Variants in SH3GL2 observed in about 807,000 individuals in gnomAD.
SH3GL2 encodes the protein SH3 domain containing GRB2 like 2, endophilin A1.
In SH3GL2, 24 loss-of-function variants were observed where a neutral mutation model predicts 46.0. The ratio of observed to expected loss-of-function variants is 0.52; its 90% confidence interval spans 0.38 to 0.73. The LOEUF (loss-of-function observed/expected upper bound fraction) is 0.73. Among genes scored for constraint, SH3GL2 ranks in the 30% least tolerant of loss-of-function variants. The pLI, the probability that SH3GL2 is intolerant of heterozygous loss-of-function variation, is 0.00. For missense variants in SH3GL2, 413 were observed against 424.2 expected (o/e 0.97, Z 0.23); for synonymous variants, 196 against 147.1 (o/e 1.33, Z -2.40).
chr9:17,601,857 G>A (rs909845503), intron 1 of SH3GL2, among the ~76,000 whole-genome samples: 2 of 152,188 alleles, frequency 1.3e-5, no homozygotes, highest in African/African-American at 4.8e-5. Flanking sequence ...TCTGTCTGTG[G>A]TGGGTTTGAT....
chr9:17,668,886 G>C (rs1305935667), intron 1 of SH3GL2, among the ~76,000 whole-genome samples: 3 of 152,068 alleles, frequency 2.0e-5, no homozygotes, highest in African/African-American at 4.8e-5. Context: ...TCAAACTCCT[G>C]GGCTCAAGCA....
At chr9:17,675,267 A>C in intron 1 of SH3GL2, among the ~76,000 whole-genome samples, 1 of 152,134 alleles carries the variant, frequency 6.6e-6, no homozygotes, top group East Asian at 1.9e-4. Context: ...GATTTTTAAA[A>C]TTTGGCGGGT....
chr9:17,585,568 G>T (rs993142116), intron 1 of SH3GL2, among the ~76,000 whole-genome samples: 2 of 152,160 alleles, frequency 1.3e-5, no homozygotes, highest in Non-Finnish European at 2.9e-5. Context: ...GGGGGGACAC[G>T]TGGGGTGGAG....
rs990837001 is a variant in SH3GL2 at position 17,733,843 on chromosome 9, C to A, written c.46-13223C>A. 2.7e-5 allele frequency among the ~76,000 whole-genome samples: 4 copies of A among 148,920 alleles called. 1 individual carries two copies. The South Asian group carries it at 6.6e-4, about 25-fold the overall frequency. On this transcript the variant is annotated intron_variant, in intron 1 of 8. Coordinates refer to ENST00000380607, the MANE Select transcript of SH3GL2 (RefSeq NM_003026.5). ...TAGGGACATGGATGAAATTGGAAAT[C>A]ATCATTCTCAGTAAACTATCGCAAG... is the stretch of plus-strand genomic sequence containing the variant.
chr9:17,685,767 G>A (rs938860317), intron 1 of SH3GL2, among the ~76,000 whole-genome samples: 7 of 151,844 alleles, frequency 4.6e-5, no homozygotes, highest in Non-Finnish European at 7.4e-5. Flanking sequence ...TAGATATGCG[G>A]CGTTATTTCT....
intron 6 of SH3GL2, among the ~76,000 whole-genome samples, 195 bp from the exon 7 acceptor site, chr9:17,791,036 G>A (rs1297618576): frequency 6.6e-6 from 1 of 152,078 alleles, no homozygotes; most frequent in Non-Finnish European, 1.5e-5. Context: ...CTAAGCATAA[G>A]GATGCTTTCT....
intron 1 of SH3GL2, among the ~76,000 whole-genome samples, chr9:17,662,556 AG>A (rs1244736381): frequency 1.3e-5 from 2 of 152,080 alleles, no homozygotes; most frequent in African/African-American, 4.8e-5. Flanking sequence ...GGATTAGGTT[AG>A]TTTTCTAGTA....
At chr9:17,579,840 C>T (rs1818244548) in intron 1 of SH3GL2, among the ~76,000 whole-genome samples, 1 of 152,166 alleles carries the variant, frequency 6.6e-6, no homozygotes, top group South Asian at 2.1e-4. Context: ...TGGGGTCTTC[C>T]TTTAGGGACC....
intron 1 of SH3GL2, among the ~76,000 whole-genome samples, chr9:17,654,973 G>T (rs1227323654): frequency 2.6e-5 from 4 of 152,224 alleles, no homozygotes; most frequent in African/African-American, 4.8e-5. Flanking sequence ...GGTACTGGAA[G>T]AAACCATAGT....
chr9:17,685,510 A>G (rs898081894), intron 1 of SH3GL2, among the ~76,000 whole-genome samples: 1 of 152,092 alleles, frequency 6.6e-6, no homozygotes, highest in Non-Finnish European at 1.5e-5. Flanking sequence ...ATATAAAACT[A>G]ACCATCACAG....
intron 8 of SH3GL2, among the ~76,000 whole-genome samples, chr9:17,794,984 C>CAT (rs1473877529): frequency 2.0e-5 from 3 of 152,186 alleles, no homozygotes; most frequent in Non-Finnish European, 4.4e-5. Flanking sequence ...AACTTGAACT[C>CAT]AGTGTTTTAT....
intron 3 of SH3GL2, among the ~76,000 whole-genome samples, chr9:17,765,438 G>A (rs1823289912): frequency 6.6e-6 from 1 of 152,146 alleles, no homozygotes; most frequent in African/African-American, 2.4e-5. Flanking sequence ...AAGTGATTTT[G>A]TTTAGCTTTT....
chr9:17,627,192 T>A (rs539157503), intron 1 of SH3GL2, among the ~76,000 whole-genome samples: 10 of 152,350 alleles, frequency 6.6e-5, no homozygotes, highest in Non-Finnish European at 1.5e-4. Flanking sequence ...CTGCTGTTTT[T>A]ATTAGCACTC....
intron 1 of SH3GL2, among the ~76,000 whole-genome samples, chr9:17,587,642 C>G (rs1818404714): frequency 6.6e-6 from 1 of 152,112 alleles, no homozygotes; most frequent in Non-Finnish European, 1.5e-5. Flanking sequence ...CTTTGGGAGG[C>G]CGAGGTGGGC....
At chr9:17,728,842 A>G (rs1222572064) in intron 1 of SH3GL2, among the ~76,000 whole-genome samples, 1 of 152,100 alleles carries the variant, frequency 6.6e-6, no homozygotes, top group African/African-American at 2.4e-5. Flanking sequence ...TCCATGGTGT[A>G]TATGTGCCAC....
At chr9:17,691,671 G>T (rs1821082270) in intron 1 of SH3GL2, among the ~76,000 whole-genome samples, 1 of 152,094 alleles carries the variant, frequency 6.6e-6, no homozygotes, top group Non-Finnish European at 1.5e-5. Context: ...AAATTGATGG[G>T]ATTTGCAGTC....
chr9:17,654,044 AC>A (rs1249486898), intron 1 of SH3GL2, among the ~76,000 whole-genome samples: 2 of 151,982 alleles, frequency 1.3e-5, no homozygotes, highest in Non-Finnish European at 1.5e-5. Context: ...CTTTGACTTT[AC>A]CCCCCTCTCT....
At chr9:17,763,838 T>A (rs1440595659) in intron 3 of SH3GL2, among the ~76,000 whole-genome samples, 1 of 152,158 alleles carries the variant, frequency 6.6e-6, no homozygotes, top group African/African-American at 2.4e-5. Context: ...ACCTCCTAAG[T>A]CTCTGCACTT....
intron 1 of SH3GL2, among the ~76,000 whole-genome samples, chr9:17,638,741 G>C (rs561769357): frequency 5.3e-5 from 8 of 152,274 alleles, no homozygotes; most frequent in Non-Finnish European, 1.0e-4. Context: ...AGGTAGGTGG[G>C]CCTCCCCTCA....
Sources: allele counts gnomAD v4.1 joint callset (sites outside exome capture counted in the v4.1 genomes callset), GRCh38; gene constraint gnomAD v4.1.1; transcripts MANE v1.5; gene names NCBI Gene and HGNC (gene_info 2026-07-23, HGNC 2026-07-21).